PDE1C: variants seen among roughly 807,000 people sequenced by gnomAD.
PDE1C encodes the protein dual specificity calcium/calmodulin-dependent 3',5'-cyclic nucleotide phosphodiesterase 1C.
Under a neutral mutation model 93.1 loss-of-function variants are expected in PDE1C, and 62 were observed. The ratio of observed to expected loss-of-function variants is 0.67; its 90% CI spans 0.54 to 0.82. PDE1C has a LOEUF of 0.82. PDE1C is among the 40% of genes least tolerant of loss of function. The pLI, the probability that PDE1C is intolerant of heterozygous loss-of-function variation, is 0.00. For missense variants in PDE1C, 742 were observed against 884.6 expected (o/e 0.84, Z 2.04); for synonymous variants, 325 against 310.1 (o/e 1.05, Z -0.50).
intron 1 of PDE1C, among the ~76,000 whole-genome samples, chr7:32,401,609 T>C (rs1344175597): frequency 1.3e-5 from 2 of 151,686 alleles, no homozygotes; most frequent in Admixed American, 1.3e-4. Context: ...TAGAAACAGA[T>C]GTCCTGATGC....
chr7:31,808,969 C>T, intron 16 of PDE1C, 62 bp downstream of exon 16: 1 of 955,246 alleles, frequency 1.0e-6, no homozygotes, highest in Non-Finnish European at 1.7e-6. Context: ...GGGTATGATT[C>T]TAACAAGCTT....
At chr7:31,906,525 C>T (rs1800604983) in intron 2 of PDE1C, among the ~76,000 whole-genome samples, 1 of 152,112 alleles carries the variant, frequency 6.6e-6, no homozygotes, top group Non-Finnish European at 1.5e-5. Flanking sequence ...CAGAAATCCC[C>T]ATGCTTTTGG....
chr7:31,735,271 G>A, the PDE1C span, among the ~76,000 whole-genome samples: 89 of 152,168 alleles, frequency 5.8e-4, no homozygotes, highest in African/African-American at 1.9e-3. Flanking sequence ...GGTGGTGCAT[G>A]CCTGTAATCC....
chr7:31,920,893 C>G (rs1488962904), intron 2 of PDE1C, among the ~76,000 whole-genome samples: 1 of 152,198 alleles, frequency 6.6e-6, no homozygotes, highest in African/African-American at 2.4e-5. Context: ...TCCATCCTAA[C>G]AGTTTAACCC....
chr7:32,148,003 A>AAAAAAAAAAAAAAAAAAAAAAC (rs1801010255), intron 3 of PDE1C, among the ~76,000 whole-genome samples: 1 of 149,722 alleles, frequency 6.7e-6, no homozygotes, highest in African/African-American at 2.5e-5. Flanking sequence ...AAAAAAAAAA[A>AAAAAAAAAAAAAAAAAAAAAAC]AAGCCTAACC....
At chr7:32,281,431 G>A (rs1251051559) in intron 1 of PDE1C, among the ~76,000 whole-genome samples, 5 of 151,964 alleles carry the variant, frequency 3.3e-5, no homozygotes. Flanking sequence ...TAAATTAAAG[G>A]AAGTCAGGCC....
At chr7:31,652,027 C>T in the PDE1C span, 2 of 1,601,408 alleles carry the variant, frequency 1.2e-6, no homozygotes, top group Non-Finnish European at 1.7e-6. Context: ...CCGGGCTCAG[C>T]AAATCAGAGA....
At chr7:31,853,612 AAG>A (rs1347653194) in intron 7 of PDE1C, among the ~76,000 whole-genome samples, 1 of 152,234 alleles carries the variant, frequency 6.6e-6, no homozygotes, top group African/African-American at 2.4e-5. Flanking sequence ...GTTCACACGC[AAG>A]AGAGTCATGC....
chr7:32,108,228 G>GAAAAAAAAAAAAAAAAA (rs1437687888), intron 3 of PDE1C, among the ~76,000 whole-genome samples: 1 of 9,984 alleles, frequency 1.0e-4, no homozygotes. Context: ...AAAAAAGCAA[G>GAAAAAAAAAAAAAAAAA]ACAAAAAAAA....
chr7:31,697,429 A>C, the PDE1C span, among the ~76,000 whole-genome samples: 1 of 152,290 alleles, frequency 6.6e-6, no homozygotes, highest in East Asian at 1.9e-4. Flanking sequence ...CCCTCCTCCC[A>C]AGGCTTCCAC....
At chr7:32,169,714 T>C (rs532964529) in intron 3 of PDE1C, 21 of 1,274,174 alleles carry the variant, frequency 1.6e-5, no homozygotes, top group Admixed American at 1.5e-4. Context: ...ACACTGACTA[T>C]GCATCTAACT....
chr7:31,705,986 A>ATTTTTTTTTT, the PDE1C span, among the ~76,000 whole-genome samples: 28 of 52,512 alleles, frequency 5.3e-4, 4 homozygotes, highest in Non-Finnish European at 7.8e-4. Context: ...CAGACCAGTA[A>ATTTTTTTTTT]TTTTTTTTTT....
At chr7:31,955,500 G>T (rs930170641) in intron 2 of PDE1C, among the ~76,000 whole-genome samples, 1 of 152,128 alleles carries the variant, frequency 6.6e-6, no homozygotes, top group Non-Finnish European at 1.5e-5. Context: ...TAGTCTTCAG[G>T]AGGCAATTTC....
chr7:32,261,529 A>G (rs1052752729), intron 1 of PDE1C, among the ~76,000 whole-genome samples: 1 of 152,160 alleles, frequency 6.6e-6, no homozygotes, highest in Admixed American at 6.6e-5. Flanking sequence ...CTCTTTCTCC[A>G]TTGCAATTCC....
At chr7:32,236,904 G>T (rs34234920) in intron 1 of PDE1C, among the ~76,000 whole-genome samples, 15,985 of 152,032 alleles carry the variant, frequency 0.11, 901 homozygotes, top group East Asian at 0.13. Flanking sequence ...CCTTCAGTGG[G>T]TGAATAGATA....
intron 3 of PDE1C, among the ~76,000 whole-genome samples, chr7:32,113,648 C>T (rs1424926722): frequency 6.6e-6 from 1 of 151,786 alleles, no homozygotes; most frequent in Non-Finnish European, 1.5e-5. Context: ...TTTAGTAATG[C>T]TTTTAGAATT....
At chr7:31,899,660 C>G (rs1230303703) in intron 2 of PDE1C, among the ~76,000 whole-genome samples, 1 of 151,986 alleles carries the variant, frequency 6.6e-6, no homozygotes, top group Non-Finnish European at 1.5e-5. Flanking sequence ...CTTCCACGTG[C>G]GGGAGACAGA....
chr7:32,212,013 G>A (rs1253349319), intron 1 of PDE1C, among the ~76,000 whole-genome samples: 5 of 106,720 alleles, frequency 4.7e-5, no homozygotes, highest in East Asian at 2.8e-4. Context: ...GCAACAGAAC[G>A]AGAACCTATC....
At chr7:32,267,431 C>G (rs187646591) in intron 1 of PDE1C, among the ~76,000 whole-genome samples, 251 of 152,138 alleles carry the variant, frequency 1.6e-3, no homozygotes, top group Non-Finnish European at 2.1e-3. Context: ...GGCACGTCCA[C>G]GTAAGGAACA....
Sources: allele counts gnomAD v4.1 joint callset (sites outside exome capture counted in the v4.1 genomes callset), GRCh38; gene constraint gnomAD v4.1.1; transcripts MANE v1.5; gene names NCBI Gene and HGNC (gene_info 2026-07-23, HGNC 2026-07-21).